The following OPCML variants were observed in gnomAD, a reference collection of about 807,000 sequenced individuals.
The protein encoded by OPCML is opioid-binding protein/cell adhesion molecule.
Under a neutral mutation model 37.8 loss-of-function variants are expected in OPCML, and 13 were observed. That is an observed-to-expected ratio of 0.34 (90% CI 0.22 to 0.55). The LOEUF is 0.55. Ranked by LOEUF, OPCML falls within the 20% of genes least tolerant of loss-of-function variation. The pLI, the probability that OPCML is intolerant of heterozygous loss-of-function variation, is 0.91. For synonymous variants in OPCML, 176 were observed against 168.8 expected (o/e 1.04, Z -0.33); for missense variants, 341 against 435.6 (o/e 0.78, Z 1.93).
chr11:132,515,571 C>T (rs1450774714), intron 4 of OPCML, among the ~76,000 whole-genome samples: 1 of 152,180 alleles, frequency 6.6e-6, no homozygotes, highest in Admixed American at 6.5e-5. Context: ...CCTCTTGACC[C>T]TATTCATCTC....
At chr11:133,360,129 T>G (rs1351029300) in intron 1 of OPCML, 4 of 152,256 alleles carry the variant, frequency 2.6e-5, no homozygotes, top group East Asian at 1.9e-4. Flanking sequence ...AATTTTCTTG[T>G]ATAATTGCCC....
chr11:133,286,882 G>C (rs535179289), intron 1 of OPCML, among the ~76,000 whole-genome samples: 1 of 152,306 alleles, frequency 6.6e-6, no homozygotes, highest in African/African-American at 2.4e-5. Context: ...CCTATCTGAG[G>C]CACTGTGCAG....
At chr11:132,769,215 T>C (rs934645430) in intron 2 of OPCML, among the ~76,000 whole-genome samples, 1 of 151,700 alleles carries the variant, frequency 6.6e-6, no homozygotes, top group Non-Finnish European at 1.5e-5. Flanking sequence ...AGTTTTTTTG[T>C]ATTTTTTTGT....
At chr11:133,262,791 G>A (rs372651741) in intron 1 of OPCML, among the ~76,000 whole-genome samples, 25 of 151,908 alleles carry the variant, frequency 1.6e-4, no homozygotes, top group Admixed American at 1.6e-3. Context: ...GGCAGCTGAC[G>A]GTGGAGTCCC....
chr11:132,633,057 G>A (rs751765937), intron 3 of OPCML, among the ~76,000 whole-genome samples: 5 of 152,164 alleles, frequency 3.3e-5, no homozygotes, highest in African/African-American at 4.8e-5. Context: ...GCTGGGTGAC[G>A]GTGGAGCATG....
intron 3 of OPCML, among the ~76,000 whole-genome samples, chr11:132,651,762 A>G (rs913323311): frequency 6.6e-6 from 1 of 152,238 alleles, no homozygotes; most frequent in Non-Finnish European, 1.5e-5. Context: ...CACCAGGCTA[A>G]GAGATGTAGA....
At chr11:133,350,913 TAG>T (rs1944122177) in intron 1 of OPCML, among the ~76,000 whole-genome samples, 1 of 152,116 alleles carries the variant, frequency 6.6e-6, no homozygotes. Flanking sequence ...GTATAAGGCA[TAG>T]AGAGTTGGAC....
At chr11:133,190,675 C>A (rs1938267919) in intron 1 of OPCML, among the ~76,000 whole-genome samples, 2 of 152,146 alleles carry the variant, frequency 1.3e-5, no homozygotes, top group Admixed American at 6.5e-5. Flanking sequence ...CATATAATTT[C>A]TTTTCTCTCT....
chr11:132,507,726 T>C (rs111703764), intron 4 of OPCML, among the ~76,000 whole-genome samples: 2,932 of 151,964 alleles, frequency 0.019, 100 homozygotes, highest in African/African-American at 0.067. Flanking sequence ...ATAGTTCAAA[T>C]AGAGGATCTA....
intron 1 of OPCML, among the ~76,000 whole-genome samples, chr11:133,457,264 G>A (rs1946692182): frequency 6.6e-6 from 1 of 152,116 alleles, no homozygotes; most frequent in African/African-American, 2.4e-5. Flanking sequence ...TGGGTACAGT[G>A]GCTTATCACC....
rs187921475 is a variant in OPCML at position 133,282,281 on chromosome 11, T to C, written c.61+249983A>G. ...TCCAAGACCCCACTGTCCTGAGCAA[T>C]CTCCAGACACTGCTCCCCACATCCT... On this transcript the variant is annotated intron_variant, in intron 1 of 7. Transcript: ENST00000524381. Among the ~76,000 whole-genome samples, 603 of 152,256 alleles carry C rather than the reference T, an allele frequency of 4.0e-3. 4 individuals carry two copies. Among genetic ancestry groups the C allele is most frequent in the African/African-American group, 0.014 (577 of 41,564 alleles).
chr11:133,080,109 T>A (rs1948687316), intron 1 of OPCML, among the ~76,000 whole-genome samples: 1 of 152,060 alleles, frequency 6.6e-6, no homozygotes, highest in Non-Finnish European at 1.5e-5. Context: ...ACCCTACCCA[T>A]CCACAACAGA....
chr11:133,322,102 G>C (rs546145263), intron 1 of OPCML, among the ~76,000 whole-genome samples: 10 of 152,194 alleles, frequency 6.6e-5, no homozygotes, highest in African/African-American at 2.4e-4. Flanking sequence ...AAAAAATACA[G>C]ATACAAGATT....
chr11:132,910,045 A>G (rs1199831036), intron 2 of OPCML, among the ~76,000 whole-genome samples: 1 of 152,230 alleles, frequency 6.6e-6, no homozygotes, highest in East Asian at 1.9e-4. Flanking sequence ...AGCAAGGGAG[A>G]AAGAGATTTC....
intron 4 of OPCML, among the ~76,000 whole-genome samples, chr11:132,472,822 T>C (rs1299008897): frequency 6.6e-6 from 1 of 152,218 alleles, no homozygotes; most frequent in African/African-American, 2.4e-5. Flanking sequence ...GGCATTTGTA[T>C]CTTTCTCACT....
At chr11:132,970,344 G>C (rs1028392168) in intron 1 of OPCML, among the ~76,000 whole-genome samples, 1 of 152,086 alleles carries the variant, frequency 6.6e-6, no homozygotes, top group Non-Finnish European at 1.5e-5. Flanking sequence ...GGGTGTGTTT[G>C]AATATGGAGA....
intron 1 of OPCML, among the ~76,000 whole-genome samples, chr11:133,163,974 C>T (rs531958684): frequency 9.4e-4 from 143 of 152,294 alleles, no homozygotes; most frequent in Non-Finnish European, 1.1e-3. Context: ...GAGATTGTCC[C>T]TCCCCCTCTA....
rs543657592 is a variant in OPCML at position 133,530,356 on chromosome 11, G to A, written c.61+1908C>T. On this transcript the variant is annotated intron_variant, in intron 1 of 7. Transcript: ENST00000524381. ...CACCCCCCGCCTTGCTTTCTAAAGT[G>A]TAATGTTATGATTTCTGCCATAAGG... Among the ~76,000 whole-genome samples the A allele has an allele frequency of 8.3e-4, 127 of 152,364 alleles. 2 individuals are homozygous for A. In the South Asian group the frequency reaches 0.012, roughly 15 times the overall value.
chr11:133,008,723 G>A (rs1947159291), intron 1 of OPCML: 1 of 247,258 alleles, frequency 4.0e-6, no homozygotes, highest in Non-Finnish European at 6.4e-6. Context: ...AGGACTGACT[G>A]AGGCCTCTGA....
Sources: allele counts gnomAD v4.1 joint callset (sites outside exome capture counted in the v4.1 genomes callset), GRCh38; gene constraint gnomAD v4.1.1; transcripts MANE v1.5; gene names NCBI Gene and HGNC (gene_info 2026-07-23, HGNC 2026-07-21).